The following CCAR1 variants were observed in gnomAD, a reference collection of about 807,000 sequenced individuals.
CCAR1 encodes the protein cell division cycle and apoptosis regulator 1, also known as cell division cycle and apoptosis regulator protein 1.
A neutral mutation model predicts 163.8 loss-of-function variants in CCAR1; 78 were observed. The observed-to-expected ratio is 0.48, with a 90% CI of 0.40 to 0.57. CCAR1 has a LOEUF of 0.57. CCAR1 is among the 20% of genes least tolerant of loss of function. The pLI, the probability that CCAR1 is intolerant of heterozygous loss-of-function variation, is 0.00. For missense variants in CCAR1, 1,019 were observed against 1,365.2 expected (o/e 0.75, Z 4.00); for synonymous variants, 443 against 460.7 (o/e 0.96, Z 0.49).
chr10:68,723,750 A>G (rs1719282682), intron 2 of CCAR1, among the ~76,000 whole-genome samples: 1 of 151,666 alleles, frequency 6.6e-6, no homozygotes, highest in Non-Finnish European at 1.5e-5. Context: ...CGGGATGCTG[A>G]GGCAGGAGAA....
At chr10:68,764,780 T>C (rs1278092085) in intron 16 of CCAR1, among the ~76,000 whole-genome samples, 2 of 152,218 alleles carry the variant, frequency 1.3e-5, no homozygotes, top group African/African-American at 2.4e-5. Context: ...GCAGAATTCC[T>C]GTGTCTCTTG....
In CCAR1 at chr10:68,785,139, G is replaced by A. The variant is rs562118321; in HGVS notation, c.2651-997G>A. 7.9e-5 allele frequency among the ~76,000 whole-genome samples: 12 copies of A among 151,518 alleles called. No individual in the cohort carries two copies. In the South Asian group the frequency reaches 1.3e-3, roughly 16 times the overall value. On this transcript the variant is annotated intron_variant, in intron 19 of 24. Coordinates refer to ENST00000265872, the MANE Select transcript of CCAR1 (RefSeq NM_018237.4). ...TCACCGTGTTAGCCAGGATGGTCTC[G>A]ATCTCCTGACCTCGTGATCCGCCCA... is the stretch of plus-strand genomic sequence containing the variant.
intron 12 of CCAR1, chr10:68,755,139 A>G: frequency 1.4e-6 from 1 of 721,662 alleles, no homozygotes; most frequent in Non-Finnish European, 2.5e-6. Context: ...TTTCTTTAAA[A>G]GAACTCTATC....
chr10:68,774,725 C>T (rs2133406322), intron 19 of CCAR1, among the ~76,000 whole-genome samples: 1 of 151,720 alleles, frequency 6.6e-6, no homozygotes, highest in African/African-American at 2.4e-5. Flanking sequence ...TAGTAATAAA[C>T]ACCCATATAC....
At chr10:68,740,225 A>G (rs2056165248) in intron 4 of CCAR1, among the ~76,000 whole-genome samples, 1 of 152,220 alleles carries the variant, frequency 6.6e-6, no homozygotes, top group Non-Finnish European at 1.5e-5. Flanking sequence ...AAATAATAAC[A>G]ATAACAAAAA....
chr10:68,727,391 G>T (rs2055964616), intron 2 of CCAR1, among the ~76,000 whole-genome samples: 1 of 152,066 alleles, frequency 6.6e-6, no homozygotes, highest in South Asian at 2.1e-4. Context: ...AGGAAATTGA[G>T]GCCAAGGACG....
chr10:68,762,205 TGTAGTCCCAGCTACTGG>T (rs951315353), intron 16 of CCAR1, among the ~76,000 whole-genome samples: 2 of 151,868 alleles, frequency 1.3e-5, no homozygotes, highest in African/African-American at 2.4e-5. Context: ...TGCAGGCGCC[TGTAGTCCCAGCTACTGG>T]GGAGGCTGAG....
chr10:68,771,611 G>A (rs568784773), intron 18 of CCAR1, among the ~76,000 whole-genome samples, 166 bp downstream of exon 18: 5 of 151,922 alleles, frequency 3.3e-5, no homozygotes, highest in African/African-American at 9.7e-5. Flanking sequence ...GTGAAACCTC[G>A]TCTCCACTAA....
At position 68,786,122 on chromosome 10, in the gene CCAR1, T is replaced by C. The variant is rs765670618; in HGVS notation, c.2651-14T>C. 5.7e-6 allele frequency: 9 copies of C among 1,584,132 alleles called. No individual in the cohort carries two copies. Among genetic ancestry groups the C allele is most frequent in the Admixed American group, 5.0e-5 (3 of 59,564 alleles). Reference sequence around the variant, plus strand: ...ATTAATGACTTTTTTGCCACTGTTATATTTATTTTACAGATAGGGATGAGG... The same window carrying C: ...ATTAATGACTTTTTTGCCACTGTTACATTTATTTTACAGATAGGGATGAGG... On this transcript the variant is annotated splice_polypyrimidine_tract_variant and intron_variant, in intron 19 of 24. Coordinates refer to ENST00000265872, the MANE Select transcript of CCAR1 (RefSeq NM_018237.4).
chr10:68,762,201 C>T (rs755921695), intron 16 of CCAR1, among the ~76,000 whole-genome samples: 14 of 151,860 alleles, frequency 9.2e-5, no homozygotes, highest in Non-Finnish European at 1.6e-4. Context: ...TGGTTGCAGG[C>T]GCCTGTAGTC....
chr10:68,738,145 T>C (rs924161292), intron 4 of CCAR1, among the ~76,000 whole-genome samples: 1 of 152,218 alleles, frequency 6.6e-6, no homozygotes, highest in Non-Finnish European at 1.5e-5. Flanking sequence ...CTGGGCGCAG[T>C]GGCTCATGCC....
At chr10:68,764,973 G>A (rs1589178120) in intron 16 of CCAR1, among the ~76,000 whole-genome samples, 1 of 152,122 alleles carries the variant, frequency 6.6e-6, no homozygotes, top group African/African-American at 2.4e-5. Flanking sequence ...AATCATTTTT[G>A]TGTGAATTTA....
intron 24 of CCAR1, 140 bp downstream of exon 24, chr10:68,790,055 G>A (rs2133442939): frequency 1.8e-6 from 1 of 556,830 alleles, no homozygotes; most frequent in South Asian, 2.9e-5. Context: ...CCTGAGATTA[G>A]TAAAAAGTGA....
intron 8 of CCAR1, among the ~76,000 whole-genome samples, chr10:68,748,305 C>T (rs2133348496): frequency 1.3e-5 from 2 of 152,036 alleles, no homozygotes; most frequent in South Asian, 4.2e-4. Flanking sequence ...GAGGCTGAGA[C>T]AGGAGAATCG....
At chr10:68,790,457 T>C (rs1326471133) in intron 24 of CCAR1, among the ~76,000 whole-genome samples, 1 of 152,166 alleles carries the variant, frequency 6.6e-6, no homozygotes, top group Non-Finnish European at 1.5e-5. Context: ...GCAAATTTCA[T>C]TTTTATTTCT....
chr10:68,722,659 T>G, intron 2 of CCAR1, 82 bp downstream of exon 2: 1 of 1,052,630 alleles, frequency 9.5e-7, no homozygotes, highest in Non-Finnish European at 1.5e-6. Context: ...GGGTGGTGGC[T>G]CACGCCTGTT....
At chr10:68,743,784 T>C (rs996422002) in intron 6 of CCAR1, among the ~76,000 whole-genome samples, 22 of 152,100 alleles carry the variant, frequency 1.4e-4, no homozygotes, top group African/African-American at 5.1e-4. Flanking sequence ...AGAGTCTCGC[T>C]CTGTCACCCA....
chr10:68,736,394 T>C (rs2056110878), intron 2 of CCAR1, among the ~76,000 whole-genome samples: 1 of 152,164 alleles, frequency 6.6e-6, no homozygotes, highest in Non-Finnish European at 1.5e-5. Context: ...ACATATATAA[T>C]GTATTGTTAT....
intron 16 of CCAR1, among the ~76,000 whole-genome samples, chr10:68,763,448 G>C (rs1210504668): frequency 6.7e-6 from 1 of 150,086 alleles, no homozygotes; most frequent in Non-Finnish European, 1.5e-5. Context: ...ATTGCGCCCA[G>C]CCTTATTTTT....
Sources: gnomAD v4.1 joint callset for allele counts (sites outside exome capture counted in the v4.1 genomes callset) on GRCh38, gnomAD v4.1.1 for gene constraint, MANE v1.5 for transcripts, NCBI Gene and HGNC (gene_info 2026-07-23, HGNC 2026-07-21) for gene names.